Variants in GPAT4 observed in about 807,000 individuals in gnomAD.
The protein encoded by GPAT4 is glycerol-3-phosphate acyltransferase 4, also known as 1-AGP acyltransferase 6.
A neutral mutation model predicts 58.0 loss-of-function variants in GPAT4; 17 were observed. That is an observed-to-expected ratio of 0.29 (90% confidence interval 0.20 to 0.44). The LOEUF (loss-of-function observed/expected upper bound fraction) is 0.44, where lower values mean the gene tolerates loss of function less well. Ranked by LOEUF, GPAT4 falls within the 20% of genes least tolerant of loss-of-function variation. The pLI is 1.00. For missense variants in GPAT4, 377 were observed against 574.5 expected (o/e 0.66, Z 3.51); for synonymous variants, 204 against 210.1 (o/e 0.97, Z 0.25).
At chr8:41,583,373 G>A (rs1329787358) in intron 1 of GPAT4, among the ~76,000 whole-genome samples, 2 of 151,290 alleles carry the variant, frequency 1.3e-5, no homozygotes, top group Admixed American at 1.3e-4. Context: ...CCAGCTGCTG[G>A]TATCTATTAT....
At position 41,599,221 on chromosome 8, in the gene GPAT4, G is replaced by A. The variant is rs375002166; in HGVS notation, c.82G>A (p.Val28Ile). 38 of 1,613,822 alleles carry A rather than the reference G, an allele frequency of 2.4e-5. No individual in the cohort carries two copies. Among genetic ancestry groups the A allele is most frequent in the Non-Finnish European group, 2.7e-5 (32 of 1,179,966 alleles). Residue 28 changes from valine to isoleucine, a missense_variant, in exon 2 of 13, where the codon GTT becomes ATT. Val to Ile is a conservative substitution (Grantham distance 29, BLOSUM62 3). Coordinates refer to ENST00000396987, the MANE Select transcript of GPAT4 (RefSeq NM_178819.4). ...GACTGTCCTCTTCACCCTCCTTCTC[G>A]TTTTCATCATAGTGCCAGCCATTTT... ...SLTVLFTLLL[V>I]FIIVPAIFGV...
At chr8:41,590,598 TGGTATATGTGAAATGC>T (rs1802764152) in intron 1 of GPAT4, among the ~76,000 whole-genome samples, 2 of 151,978 alleles carry the variant, frequency 1.3e-5, no homozygotes, top group African/African-American at 4.8e-5. Context: ...TACTTGAGGG[TGGTATATGTGAAATGC>T]TCCTTAGCGC....
At position 41,623,321 on chromosome 8, in the gene GPAT4, T is replaced by G. The variant is rs1803813888; in HGVS notation, c.*2320T>G. Reference sequence around the variant, plus strand: ...GAGTATCTGGTTTGGGGTAACCGAGTTGGTCTTATGGGGCAAAAACTCAAG... The same window carrying G: ...GAGTATCTGGTTTGGGGTAACCGAGGTGGTCTTATGGGGCAAAAACTCAAG... On this transcript the variant is annotated 3_prime_UTR_variant, in exon 13 of 13. Transcript: ENST00000396987. The G allele has an allele frequency of 6.6e-6, 1 of 152,216 alleles. No individual in the cohort carries two copies. The highest frequency in any genetic ancestry group is 2.1e-4 in the South Asian group (1 of 4,830). 9.4% of individuals were successfully genotyped at this position (152,216 alleles called of 1,614,324 possible).
At chr8:41,586,744 T>G (rs891771489) in intron 1 of GPAT4, among the ~76,000 whole-genome samples, 2 of 152,180 alleles carry the variant, frequency 1.3e-5, no homozygotes, top group African/African-American at 4.8e-5. Flanking sequence ...CCCTCCTTTT[T>G]TTAGAGAACT....
chr8:41,590,089 TA>T (rs1379319342), intron 1 of GPAT4, among the ~76,000 whole-genome samples: 57 of 152,138 alleles, frequency 3.7e-4, no homozygotes, highest in African/African-American at 1.2e-3. Flanking sequence ...TGGTTTTCTC[TA>T]ATCACAAGTT....
chr8:41,583,068 C>CA (rs1304613560), intron 1 of GPAT4, among the ~76,000 whole-genome samples: 48 of 151,410 alleles, frequency 3.2e-4, no homozygotes, highest in African/African-American at 1.1e-3. Flanking sequence ...ACTAAAAATA[C>CA]AAAAAAAACT....
rs1803808023 is a variant in GPAT4 at position 41,623,211 on chromosome 8, C to T, written c.*2210C>T. The stretch of plus-strand genomic sequence containing the variant: ...CCTGCAGAAACGTAACCTCCCCTTT[C>T]CGTGTATGCCTTTTACCATCATCCA... On this transcript the variant is annotated 3_prime_UTR_variant, in exon 13 of 13. Transcript: ENST00000396987. 6.6e-6 allele frequency: 1 copy of T among 152,222 alleles called. No individual in the cohort carries two copies. The highest frequency in any genetic ancestry group is 2.1e-4 in the South Asian group (1 of 4,824). 9.4% of individuals were successfully genotyped at this position (152,222 alleles called of 1,614,324 possible).
At chr8:41,603,192 T>C (rs897586300) in intron 2 of GPAT4, among the ~76,000 whole-genome samples, 2 of 152,314 alleles carry the variant, frequency 1.3e-5, no homozygotes, top group Admixed American at 6.5e-5. Flanking sequence ...CCGTTCTCCC[T>C]CCTGTCAGTG....
chr8:41,623,544 AC>A lies in GPAT4; in HGVS notation c.*2545del, dbSNP rs1803821335. The A allele has an allele frequency of 3.3e-5, 5 of 152,260 alleles. No homozygotes were observed. In the South Asian group the frequency reaches 1.0e-3, roughly 31 times the overall value. 9.4% of individuals were successfully genotyped at this position (152,260 alleles called of 1,614,324 possible). ...TCATAACTAGGGACTTGGCTAGATG[AC>A]CTCAGAGACCTCGTCCACCTCTGAA... On this transcript the variant is annotated 3_prime_UTR_variant, in exon 13 of 13. Transcript: ENST00000396987.
intron 2 of GPAT4, among the ~76,000 whole-genome samples, chr8:41,603,525 CAAAA>C (rs35302781): frequency 7.0e-5 from 6 of 85,298 alleles, no homozygotes; most frequent in South Asian, 8.5e-4. Context: ...GACTCCGTCT[CAAAA>C]AAAAAAAAAA....
intron 5 of GPAT4, 144 bp from the exon 6 acceptor site, chr8:41,611,759 T>C (rs750893164): frequency 1.5e-4 from 98 of 650,228 alleles, no homozygotes; most frequent in Non-Finnish European, 2.4e-4. Context: ...AAGGTGCTCA[T>C]GCATCACAGG....
At chr8:41,615,456 G>T (rs998226384) in intron 10 of GPAT4, among the ~76,000 whole-genome samples, 2 of 151,748 alleles carry the variant, frequency 1.3e-5, no homozygotes, top group African/African-American at 4.8e-5. Context: ...AGGATTGGGG[G>T]GGGGGTCATT....
rs1803011166 is a variant in GPAT4, at chr8:41,599,043, G to C, written c.-97G>C. The C allele has an allele frequency of 6.8e-7, 1 of 1,474,676 alleles. No homozygotes were observed. The highest frequency in any genetic ancestry group is 2.3e-5 in the Admixed American group (1 of 43,736). 91.3% of individuals were successfully genotyped at this position (1,474,676 alleles called of 1,614,324 possible). On this transcript the variant is annotated 5_prime_UTR_variant, in exon 2 of 13. Transcript: ENST00000396987. ...GGGGTTTGCTGTTCTTCGGGAACTT[G>C]CTTCCTTTCCCTGGCTGGTGCTGTC...
chr8:41,616,356 G>A (rs762534608), intron 10 of GPAT4, among the ~76,000 whole-genome samples: 3 of 152,156 alleles, frequency 2.0e-5, no homozygotes, highest in Non-Finnish European at 4.4e-5. Context: ...GAGTGCAGTG[G>A]CACAATCATG....
chr8:41,602,833 A>G (rs1333851348), intron 2 of GPAT4, among the ~76,000 whole-genome samples: 2 of 152,164 alleles, frequency 1.3e-5, no homozygotes, highest in African/African-American at 4.8e-5. Flanking sequence ...CAGCAGATTC[A>G]GTGTCTGGTG....
chr8:41,601,684 T>C (rs1585662608), intron 2 of GPAT4, among the ~76,000 whole-genome samples: 1 of 152,248 alleles, frequency 6.6e-6, no homozygotes, highest in Non-Finnish European at 1.5e-5. Flanking sequence ...TGGATGACTT[T>C]GGGTAGGGCA....
intron 4 of GPAT4, chr8:41,610,262 TCCTGA>T: frequency 1.6e-6 from 2 of 1,262,090 alleles, no homozygotes; most frequent in South Asian, 3.9e-5. Flanking sequence ...GCTCATTCTT[TCCTGA>T]AGCTTGCCTC....
chr8:41,582,412 T>C (rs1274480598), intron 1 of GPAT4, among the ~76,000 whole-genome samples: 1 of 151,496 alleles, frequency 6.6e-6, no homozygotes, highest in Non-Finnish European at 1.5e-5. Context: ...TGTACCATTT[T>C]CTTCACCTTG....
chr8:41,621,080 G>C lies in GPAT4; in HGVS notation c.*79G>C. 1 of 1,530,750 alleles carries C rather than the reference G, an allele frequency of 6.5e-7. No individual in the cohort carries two copies. 94.8% of individuals were successfully genotyped at this position (1,530,750 alleles called of 1,614,324 possible). ...TGGAGTTGCCGCCGCCGCCCCCACTGCTGTGTCCTTTCCAGACTCCAGGGC... is the reference window on the plus strand; with the variant it reads ...TGGAGTTGCCGCCGCCGCCCCCACTCCTGTGTCCTTTCCAGACTCCAGGGC... On this transcript the variant is annotated 3_prime_UTR_variant, in exon 13 of 13. Transcript: ENST00000396987.
Sources: allele counts gnomAD v4.1 joint callset (sites outside exome capture counted in the v4.1 genomes callset), GRCh38; gene constraint gnomAD v4.1.1; transcripts MANE v1.5; gene names NCBI Gene and HGNC (gene_info 2026-07-23, HGNC 2026-07-21).